Variants in MSH3 observed in about 807,000 individuals in gnomAD.
MSH3 encodes the protein mutS homolog 3.
Under a neutral mutation model 123.3 loss-of-function variants are expected in MSH3, and 106 were observed. The ratio of observed to expected loss-of-function variants is 0.86; its 90% confidence interval spans 0.73 to 1.01. The LOEUF (loss-of-function observed/expected upper bound fraction) is 1.01. Ranked by LOEUF, MSH3 falls within the 50% of genes least tolerant of loss-of-function variation. The probability of loss-of-function intolerance (pLI) is 0.00; values close to 1 mark genes in which losing one functional copy is unlikely to be tolerated. For missense variants in MSH3, 1,459 were observed against 1,347.6 expected (o/e 1.08, Z -1.29); for synonymous variants, 515 against 481.4 (o/e 1.07, Z -0.91).
intron 20 of MSH3, among the ~76,000 whole-genome samples, chr5:80,823,604 T>C (rs1196495494): frequency 7.1e-6 from 1 of 141,580 alleles, no homozygotes; most frequent in East Asian, 2.1e-4. Context: ...GCACTCTTAA[T>C]CTTCAGTGCA....
At chr5:80,670,033 C>T (rs1027602969) in intron 3 of MSH3, 64 bp from the exon 4 acceptor site, 71 of 1,484,392 alleles carry the variant, frequency 4.8e-5, no homozygotes, top group Non-Finnish European at 5.8e-5. Context: ...TTGCATTTTC[C>T]GTCTCTGGGA....
chr5:80,779,989 T>C (rs1248033543), intron 17 of MSH3, among the ~76,000 whole-genome samples: 1 of 152,260 alleles, frequency 6.6e-6, no homozygotes, highest in Non-Finnish European at 1.5e-5. Context: ...TTGGTAATTA[T>C]GCTTCTTTAG....
chr5:80,856,571 G>C (rs1195523207), intron 21 of MSH3, among the ~76,000 whole-genome samples: 1 of 110,086 alleles, frequency 9.1e-6, no homozygotes, highest in Non-Finnish European at 1.8e-5. Context: ...GGAGGGGGGA[G>C]GGATAGCATT....
chr5:80,768,642 C>T (rs890730312), intron 14 of MSH3, among the ~76,000 whole-genome samples, 193 bp from the exon 15 acceptor site: 6 of 152,052 alleles, frequency 3.9e-5, no homozygotes, highest in Non-Finnish European at 1.5e-5. Flanking sequence ...AGTTAAAAAG[C>T]AGAAATGATT....
At chr5:80,693,584 T>TATGTTTAG (rs1750391477) in intron 8 of MSH3, among the ~76,000 whole-genome samples, 2 of 112,794 alleles carry the variant, frequency 1.8e-5, no homozygotes, top group Non-Finnish European at 3.7e-5. Flanking sequence ...TGCACATGTA[T>TATGTTTAG]ATAAATATAT....
At chr5:80,868,287 T>C (rs1489329916) in intron 22 of MSH3, among the ~76,000 whole-genome samples, 1 of 151,884 alleles carries the variant, frequency 6.6e-6, no homozygotes, top group African/African-American at 2.4e-5. Flanking sequence ...CAGAGAAATA[T>C]AAATTGTTGT....
intron 8 of MSH3, among the ~76,000 whole-genome samples, chr5:80,711,163 GTC>G (rs1750850797): frequency 6.6e-6 from 1 of 152,128 alleles, no homozygotes; most frequent in Non-Finnish European, 1.5e-5. Context: ...AATACCTCCT[GTC>G]TCTCTTAGCC....
At chr5:80,735,546 C>T (rs980167763) in intron 10 of MSH3, among the ~76,000 whole-genome samples, 1 of 151,816 alleles carries the variant, frequency 6.6e-6, no homozygotes, top group Non-Finnish European at 1.5e-5. Flanking sequence ...AAAGCAGCCA[C>T]ACTGGTGGCG....
intron 8 of MSH3, among the ~76,000 whole-genome samples, chr5:80,706,017 G>A (rs992921196): frequency 1.3e-5 from 2 of 152,184 alleles, no homozygotes; most frequent in East Asian, 3.8e-4. Flanking sequence ...GTCCGTTTGT[G>A]CCTGTGGTAG....
intron 15 of MSH3, among the ~76,000 whole-genome samples, chr5:80,772,040 T>G (rs1744222302): frequency 6.6e-6 from 1 of 152,194 alleles, no homozygotes; most frequent in Non-Finnish European, 1.5e-5. Context: ...TTTACATAGT[T>G]TACTGCTTCT....
intron 19 of MSH3, 98 bp from the exon 20 acceptor site, chr5:80,813,486 T>G: frequency 8.2e-7 from 1 of 1,224,284 alleles, no homozygotes; most frequent in South Asian, 1.2e-5. Flanking sequence ...TGCTACAAAG[T>G]AATGTTTTGC....
intron 8 of MSH3, among the ~76,000 whole-genome samples, chr5:80,681,023 A>G (rs765141820): frequency 6.6e-6 from 1 of 152,158 alleles, no homozygotes; most frequent in East Asian, 1.9e-4. Flanking sequence ...ATGAATGTTT[A>G]TAAAGCTCTT....
chr5:80,809,387 T>G (rs1490860429), intron 19 of MSH3, among the ~76,000 whole-genome samples: 2 of 147,494 alleles, frequency 1.4e-5, no homozygotes, highest in African/African-American at 2.5e-5. Flanking sequence ...TGTCAAATTA[T>G]TGATTCTTAT....
At chr5:80,706,629 TATC>T (rs1316125041) in intron 8 of MSH3, among the ~76,000 whole-genome samples, 2 of 152,226 alleles carry the variant, frequency 1.3e-5, no homozygotes, top group African/African-American at 4.8e-5. Context: ...TTTAGACTAT[TATC>T]ATCTCGAAGC....
Position 80,656,406 on chromosome 5 carries a change from T to TA in MSH3, c.238-4dup. On this transcript the variant is annotated splice_region_variant and splice_polypyrimidine_tract_variant and intron_variant, in intron 1 of 23. Transcript: ENST00000265081. Reference sequence around the variant, plus strand: ...ACACATCATTTTCTAACCTTCCCGATATAGGCTACAGAAATTGACAGAAGA... The same window carrying TA: ...ACACATCATTTTCTAACCTTCCCGATAATAGGCTACAGAAATTGACAGAAGA... 6.2e-7 allele frequency: 1 copy of TA among 1,614,034 alleles called. No individual in the cohort carries two copies. The highest frequency in any genetic ancestry group is 8.5e-7 in the Non-Finnish European group (1 of 1,179,968).
intron 16 of MSH3, 56 bp from the exon 17 acceptor site, chr5:80,778,664 A>G: frequency 4.2e-6 from 4 of 955,514 alleles, no homozygotes; most frequent in Non-Finnish European, 6.9e-6. Flanking sequence ...AAGTGATGGC[A>G]TTTCGGATTT....
At chr5:80,787,849 C>T (rs537195818) in intron 18 of MSH3, among the ~76,000 whole-genome samples, 177 bp downstream of exon 18, 1 of 152,148 alleles carries the variant, frequency 6.6e-6, no homozygotes, top group East Asian at 1.9e-4. Flanking sequence ...TTCTTGCTTC[C>T]TCTGTCACTG....
At chr5:80,857,930 T>G (rs968705306) in intron 21 of MSH3, among the ~76,000 whole-genome samples, 3 of 152,162 alleles carry the variant, frequency 2.0e-5, no homozygotes, top group African/African-American at 7.2e-5. Flanking sequence ...TTGCTTATTT[T>G]TGCTCTTCTC....
intron 8 of MSH3, among the ~76,000 whole-genome samples, chr5:80,693,141 GTA>G (rs72104950): frequency 0.16 from 6,604 of 40,666 alleles, 9 homozygotes; most frequent in East Asian, 0.24. Context: ...ACATGCACAT[GTA>G]TATGTTTATA....
Sources: gnomAD v4.1 joint callset for allele counts (sites outside exome capture counted in the v4.1 genomes callset) on GRCh38, gnomAD v4.1.1 for gene constraint, MANE v1.5 for transcripts, NCBI Gene and HGNC (gene_info 2026-07-23, HGNC 2026-07-21) for gene names.